Variants in GAPDHS observed in about 807,000 individuals in gnomAD.
GAPDHS encodes glyceraldehyde-3-phosphate dehydrogenase, spermatogenic.
A neutral mutation model predicts 48.7 loss-of-function variants in GAPDHS; 42 were observed. The ratio of observed to expected loss-of-function variants is 0.86; its 90% CI spans 0.67 to 1.12. The LOEUF (loss-of-function observed/expected upper bound fraction) is 1.12. GAPDHS is among the 50% of genes most tolerant of loss of function. The probability of loss-of-function intolerance (pLI) is 0.00; values close to 1 mark genes in which losing one functional copy is unlikely to be tolerated. For synonymous variants in GAPDHS, 166 were observed against 219.1 expected (o/e 0.76, Z 2.14); for missense variants, 512 against 557.7 (o/e 0.92, Z 0.82).
chr19:35,543,774 A>T lies in GAPDHS; in HGVS notation c.1003A>T (p.Lys335Ter). Residue 335 changes from lysine (K) to a stop codon, truncating the protein, a stop_gained, in exon 9 of 11, where the codon AAA becomes TAA. Coordinates refer to ENST00000222286, the MANE Select transcript of GAPDHS (RefSeq NM_014364.5). LOFTEE classifies it high-confidence loss of function. ...APYSAIKEAV[K>*]AAAKGPMAGI... ...CTACTCAGCCATCAAGGAGGCTGTA[A>T]AAGCAGCAGCCAAGGGGCCCATGGC... The T allele has an allele frequency of 6.2e-7, 1 of 1,613,862 alleles. No individual in the cohort carries two copies. The highest frequency in any genetic ancestry group is 8.5e-7 in the Non-Finnish European group (1 of 1,179,974).
At position 35,542,386 on chromosome 19, in the gene GAPDHS, T is replaced by C. The variant is rs750825786; in HGVS notation, c.517T>C (p.Tyr173His). Reference sequence around the variant, plus strand: ...CTACGTGGTGGAGTCCACAGGCGTGTACCTCTCCATACAGGCAGCTTCGGT... The same window carrying C: ...CTACGTGGTGGAGTCCACAGGCGTGCACCTCTCCATACAGGCAGCTTCGGT... Reference protein sequence around the residue: ...SPYVVESTGVYLSIQAASDHI... With the variant: ...SPYVVESTGVHLSIQAASDHI... The change falls in exon 5 of 11, where the codon TAC (tyrosine) becomes CAC (histidine). Residue 173 changes from tyrosine (Y) to histidine (H), a missense_variant. Coordinates refer to ENST00000222286, the MANE Select transcript of GAPDHS (RefSeq NM_014364.5). The C allele has an allele frequency of 6.2e-7, 1 of 1,607,160 alleles. No homozygotes were observed. Among genetic ancestry groups the C allele is most frequent in the Admixed American group, 1.7e-5 (1 of 59,936 alleles).
At chr19:35,534,138 G>A (rs1311478174) in intron 1 of GAPDHS, among the ~76,000 whole-genome samples, 1 of 152,182 alleles carries the variant, frequency 6.6e-6, no homozygotes, top group Non-Finnish European at 1.5e-5. Context: ...CAGAGGTTAA[G>A]AGAGGGCAAA....
Position 35,538,623 on chromosome 19 carries a change from G to A in GAPDHS, c.389G>A (p.Ser130Asn), listed in dbSNP as rs549435993. 3.5e-5 allele frequency: 56 copies of A among 1,612,698 alleles called. 1 individual carries two copies. Among genetic ancestry groups the A allele is most frequent in the East Asian group, 3.1e-4 (14 of 44,872 alleles). ...TCCACCCACGGCCGATACAAGGGAA[G>A]TGTGGAATTCAGGAATGGACAACTG... ...YDSTHGRYKG[S>N]VEFRNGQLVV... The change falls in exon 4 of 11, where the codon AGT becomes AAT. Residue 130 changes from serine (S) to asparagine (N), a missense_variant. Transcript: ENST00000222286.
chr19:35,538,994 T>G (rs12985178), intron 4 of GAPDHS, among the ~76,000 whole-genome samples: 57,351 of 151,946 alleles, frequency 0.38, 11,276 homozygotes, highest in East Asian at 0.67. Context: ...GCTCACCGCA[T>G]CCTTGACCTC....
chr19:35,537,812 C>T (rs1035275217), intron 2 of GAPDHS, among the ~76,000 whole-genome samples: 11 of 152,230 alleles, frequency 7.2e-5, no homozygotes, highest in Non-Finnish European at 1.6e-4. Context: ...CAGTGGCTCA[C>T]GCCTGTAATC....
At chr19:35,537,719 A>G (rs2071474672) in intron 2 of GAPDHS, among the ~76,000 whole-genome samples, 2 of 152,092 alleles carry the variant, frequency 1.3e-5, no homozygotes, top group African/African-American at 4.8e-5. Flanking sequence ...GTCTCTACAG[A>G]AAAAAATTGT....
rs767666199 is a variant in GAPDHS at position 35,543,410 on chromosome 19, G to C, written c.812G>C (p.Gly271Ala). 1.2e-5 allele frequency: 20 copies of C among 1,611,814 alleles called. No individual in the cohort carries two copies. The South Asian group carries it at 1.7e-4, about 13-fold the overall frequency. Residue 271 changes from glycine (G) to alanine (A), a missense_variant, in exon 8 of 11, where the codon GGG becomes GCG. Gly to Ala is a moderately conservative substitution (Grantham distance 60). Transcript: ENST00000222286. ...DGPSRKAWRDGRGAHQNIIPA... is the reference protein window; with the variant it reads ...DGPSRKAWRDARGAHQNIIPA... ...CCATCAAGGAAGGCCTGGCGAGATG[G>C]GCGGGGTGCCCACCAGAACATCATC...
At chr19:35,534,190 C>A (rs113145386) in intron 1 of GAPDHS, among the ~76,000 whole-genome samples, 20,835 of 151,916 alleles carry the variant, frequency 0.14, 2,012 homozygotes, top group East Asian at 0.37. Flanking sequence ...CGCCCGCGCG[C>A]GCGCACACAC....
At chr19:35,538,102 T>C (rs995346988) in intron 2 of GAPDHS, among the ~76,000 whole-genome samples, 1 of 152,004 alleles carries the variant, frequency 6.6e-6, no homozygotes, top group Non-Finnish European at 1.5e-5. Context: ...TATATGTATA[T>C]ATGGGTTAGG....
At chr19:35,543,284 G>T in intron 7 of GAPDHS, 56 bp from the exon 8 acceptor site, 1 of 1,589,712 alleles carries the variant, frequency 6.3e-7, no homozygotes, top group Non-Finnish European at 8.6e-7. Context: ...CTGGAAAAAA[G>T]AGGCATGGGA....
intron 9 of GAPDHS, 77 bp downstream of exon 9, chr19:35,543,904 C>G (rs1019084497): frequency 1.2e-5 from 17 of 1,458,384 alleles, no homozygotes; most frequent in Admixed American, 1.0e-4. Context: ...GGGAGCTGCT[C>G]TCAATGTGCC....
chr19:35,536,045 G>A (rs933163356), intron 1 of GAPDHS, among the ~76,000 whole-genome samples: 2 of 151,816 alleles, frequency 1.3e-5, no homozygotes, highest in Admixed American at 6.6e-5. Flanking sequence ...TGGCCACTCC[G>A]ACGACTCCTA....
intron 7 of GAPDHS, 155 bp from the exon 8 acceptor site, chr19:35,543,185 C>T: frequency 9.5e-7 from 1 of 1,051,582 alleles, no homozygotes; most frequent in South Asian, 1.4e-5. Flanking sequence ...AACCCTCAGG[C>T]AAGGCTGGAC....
In GAPDHS at chr19:35,538,315, G is replaced by A. The variant is rs573362542; in HGVS notation, c.254G>A (p.Arg85His). 6.8e-6 allele frequency: 11 copies of A among 1,611,972 alleles called. No individual in the cohort carries two copies. The highest frequency in any genetic ancestry group is 3.3e-4 in the Middle Eastern group (2 of 6,058). The change falls in exon 3 of 11, where the codon CGC becomes CAC. Residue 85 changes from arginine to histidine, a missense_variant. Transcript: ENST00000222286. ...ELTVGINGFG[R>H]IGRLVLRACM... Reference sequence around the variant, plus strand: ...TGTCTGTCCCTGGCCAGATTTGGACGCATCGGTCGCCTGGTCCTGCGCGCC... The same window carrying A: ...TGTCTGTCCCTGGCCAGATTTGGACACATCGGTCGCCTGGTCCTGCGCGCC...
intron 4 of GAPDHS, among the ~76,000 whole-genome samples, chr19:35,540,159 C>T (rs944366215): frequency 6.6e-6 from 1 of 152,208 alleles, no homozygotes; most frequent in South Asian, 2.1e-4. Context: ...GCTGGGAGCA[C>T]GAATGGAGTG....
chr19:35,538,344 A>G lies in GAPDHS; in HGVS notation c.283A>G (p.Met95Val), dbSNP rs750696530. The G allele has an allele frequency of 1.3e-6, 2 of 1,599,448 alleles. No individual in the cohort carries two copies. Among genetic ancestry groups the G allele is most frequent in the South Asian group, 1.1e-5 (1 of 90,718 alleles). ...CGGTCGCCTGGTCCTGCGCGCCTGCATGGAGAAGGGTGTTAAGGTGGTGGC... is the reference window on the plus strand; with the variant it reads ...CGGTCGCCTGGTCCTGCGCGCCTGCGTGGAGAAGGGTGTTAAGGTGGTGGC... ...RIGRLVLRACMEKGVKVVAVN... is the reference protein window; with the variant it reads ...RIGRLVLRACVEKGVKVVAVN... Residue 95 changes from methionine (M) to valine (V), a missense_variant, in exon 3 of 11, where the codon ATG becomes GTG. By Grantham distance (21) the Met-to-Val change is conservative (BLOSUM62 1). Transcript: ENST00000222286.
At chr19:35,538,234 A>G in intron 2 of GAPDHS, 73 bp from the exon 3 acceptor site, 1 of 1,040,662 alleles carries the variant, frequency 9.6e-7, no homozygotes, top group Non-Finnish European at 1.5e-6. Flanking sequence ...AGGATTCCCA[A>G]CCAGGCTCCT....
intron 2 of GAPDHS, among the ~76,000 whole-genome samples, chr19:35,537,545 G>A (rs1336878314): frequency 6.6e-6 from 1 of 151,444 alleles, no homozygotes; most frequent in East Asian, 1.9e-4. Context: ...TTTTACTGAT[G>A]GACAGTCGTG....
intron 2 of GAPDHS, among the ~76,000 whole-genome samples, chr19:35,538,103 A>G (rs2071477662): frequency 6.6e-6 from 1 of 151,944 alleles, no homozygotes. Flanking sequence ...ATATGTATAT[A>G]TGGGTTAGGG....
Sources: gnomAD v4.1 joint callset for allele counts (sites outside exome capture counted in the v4.1 genomes callset) on GRCh38, gnomAD v4.1.1 for gene constraint, MANE v1.5 for transcripts, NCBI Gene and HGNC (gene_info 2026-07-23, HGNC 2026-07-21) for gene names.